RNPEP: variants seen among roughly 807,000 people sequenced by gnomAD.
RNPEP encodes aminopeptidase B.
RNPEP carries 57 observed loss-of-function variants against 70.1 expected under a neutral mutation model. That is an observed-to-expected ratio of 0.81 (90% CI 0.66 to 1.01). The LOEUF (loss-of-function observed/expected upper bound fraction) is 1.01, where lower values mean the gene tolerates loss of function less well. RNPEP is among the 50% of genes least tolerant of loss of function. The pLI, the probability that RNPEP is intolerant of heterozygous loss-of-function variation, is 0.00. For missense variants in RNPEP, 787 were observed against 852.4 expected (o/e 0.92, Z 0.96); for synonymous variants, 335 against 357.4 (o/e 0.94, Z 0.71).
chr1:201,991,720 A>G (rs1487675260), intron 3 of RNPEP, among the ~76,000 whole-genome samples: 1 of 152,146 alleles, frequency 6.6e-6, no homozygotes, highest in Non-Finnish European at 1.5e-5. Flanking sequence ...AGGTAGTGAG[A>G]TTGCAGCTTG....
intron 3 of RNPEP, among the ~76,000 whole-genome samples, chr1:201,992,296 G>T (rs987198112): frequency 6.6e-6 from 1 of 152,094 alleles, no homozygotes. Context: ...GCCTCCCAAA[G>T]TGTTGGGATT....
In RNPEP at chr1:202,005,559, G is replaced by A. The variant is rs750087178; in HGVS notation, c.1796G>A (p.Gly599Glu). Residue 599 changes from glycine to glutamate, a missense_variant and splice_region_variant, in exon 11 of 11, where the codon GGG (glycine) becomes GAG (glutamate). Physicochemically the swap from Gly to Glu is moderately conservative, Grantham distance 98. Coordinates refer to ENST00000295640, the MANE Select transcript of RNPEP (RefSeq NM_020216.4). ...WKVKEFLHNQ[G>E]KQKYTLPLYH... ...CATGTGTATGTGTGTTTCTTGCAGG[G>A]GAAGCAGAAGTATACACTTCCGCTG... 1 of 1,613,998 alleles carries A rather than the reference G, an allele frequency of 6.2e-7. No individual in the cohort carries two copies. The highest frequency in any genetic ancestry group is 8.5e-7 in the Non-Finnish European group (1 of 1,179,880).
chr1:201,985,210 T>A (rs1401236879), intron 1 of RNPEP, among the ~76,000 whole-genome samples: 5 of 115,182 alleles, frequency 4.3e-5, no homozygotes, highest in African/African-American at 9.7e-5. Context: ...AAAAAAAAAA[T>A]ACTCATTTCC....
rs766543788 is a variant in RNPEP, at chr1:201,989,002, C to T, written c.546C>T (p.Phe182=). 8 of 1,614,158 alleles carry T rather than the reference C, an allele frequency of 5.0e-6. No homozygotes were observed. Among genetic ancestry groups the T allele is most frequent in the South Asian group, 2.2e-5 (2 of 91,066 alleles). ...AVLNRAFFPC[F]DTPAVKYKYS... Reference sequence around the variant, plus strand: ...TAAACCGGGCCTTCTTCCCTTGCTTCGACACGCCTGCTGTTAAATACAAGT... The same window carrying T: ...TAAACCGGGCCTTCTTCCCTTGCTTTGACACGCCTGCTGTTAAATACAAGT... The change falls in exon 2 of 11, where the codon TTC becomes TTT. Residue 182 remains phenylalanine, a synonymous_variant. Coordinates refer to ENST00000295640, the MANE Select transcript of RNPEP (RefSeq NM_020216.4).
At chr1:201,991,149 C>T (rs1311611376) in intron 3 of RNPEP, among the ~76,000 whole-genome samples, 1 of 152,084 alleles carries the variant, frequency 6.6e-6, no homozygotes, top group Non-Finnish European at 1.5e-5. Flanking sequence ...GCGTCTTGCT[C>T]TGTTGCCCAG....
chr1:201,998,755 C>T (rs1683666142), intron 5 of RNPEP, among the ~76,000 whole-genome samples: 1 of 152,276 alleles, frequency 6.6e-6, no homozygotes, highest in East Asian at 1.9e-4. Flanking sequence ...AAGCCACTTA[C>T]TCAGAGTCAA....
At chr1:201,983,755 C>T (rs998207271) in intron 1 of RNPEP, 56 of 1,106,506 alleles carry the variant, frequency 5.1e-5, no homozygotes, top group Admixed American at 2.0e-4. Flanking sequence ...TGTTGGTTAA[C>T]TCTTTAATTT....
Position 202,000,103 on chromosome 1 carries a change from C to A in RNPEP, c.1204+88C>A. 4 of 926,296 alleles carry A rather than the reference C, an allele frequency of 4.3e-6. No individual in the cohort carries two copies. The East Asian group carries it at 7.8e-5, about 18-fold the overall frequency. The allele number at this position is 926,296 out of a possible 1,614,324, so 57.4% of individuals were successfully genotyped here. A position where few individuals can be genotyped will look rare whatever the true frequency, so the allele number is the denominator to read the frequency against. On this transcript the variant is annotated intron_variant, in intron 6 of 10. Transcript: ENST00000295640. ...TGCGAACTTCATGTTGATCAGTGCACGCTTAGAATACTTTATTTGGAGGGA... is the reference window on the plus strand; with the variant it reads ...TGCGAACTTCATGTTGATCAGTGCAAGCTTAGAATACTTTATTTGGAGGGA...
Position 201,999,897 on chromosome 1 carries a change from A to G in RNPEP, c.1091-5A>G. 6.2e-7 allele frequency: 1 copy of G among 1,611,884 alleles called. No homozygotes were observed. Among genetic ancestry groups the G allele is most frequent in the South Asian group, 1.1e-5 (1 of 90,648 alleles). ...TCCCGAGGCTTACGTTTGATTCTGC[A>G]CCAGGCGCTGCGTACACCTGCTTGG... On this transcript the variant is annotated splice_region_variant and splice_polypyrimidine_tract_variant and intron_variant, in intron 5 of 10. Coordinates refer to ENST00000295640, the MANE Select transcript of RNPEP (RefSeq NM_020216.4).
intron 4 of RNPEP, 37 bp from the exon 5 acceptor site, chr1:201,997,282 G>A: frequency 6.4e-7 from 1 of 1,555,904 alleles, no homozygotes; most frequent in Non-Finnish European, 8.9e-7. Context: ...GCTCCGGGAA[G>A]CCAGGGCCTC....
intron 5 of RNPEP, among the ~76,000 whole-genome samples, chr1:201,999,135 T>G (rs28419585): frequency 1.3e-5 from 2 of 151,434 alleles, no homozygotes; most frequent in African/African-American, 4.9e-5. Context: ...GAGAATTGCT[T>G]GAATCCAGGA....
intron 10 of RNPEP, among the ~76,000 whole-genome samples, chr1:202,004,761 C>T (rs528616005): frequency 4.6e-5 from 7 of 152,196 alleles, no homozygotes; most frequent in East Asian, 3.8e-4. Flanking sequence ...CCAGAGCCAA[C>T]GCAGAGGCGG....
chr1:201,989,105 CA>C (rs1683232980), intron 2 of RNPEP, 61 bp downstream of exon 2: 1 of 1,565,136 alleles, frequency 6.4e-7, no homozygotes, highest in South Asian at 1.2e-5. Flanking sequence ...TCAGATCTAT[CA>C]ATCAGGTCAC....
At chr1:201,983,182 T>G (rs112370844) in intron 1 of RNPEP, 69 bp downstream of exon 1, 839,353 of 1,415,418 alleles carry the variant, frequency 0.59, 250,449 homozygotes, top group Non-Finnish European at 0.6. Flanking sequence ...CCCTGCACCC[T>G]CACCTACCCC....
intron 1 of RNPEP, among the ~76,000 whole-genome samples, chr1:201,987,014 T>A (rs530011155): frequency 1.1e-4 from 17 of 152,310 alleles, no homozygotes; most frequent in Admixed American, 2.0e-4. Context: ...ACTAATTAAA[T>A]TTTTCACACA....
intron 2 of RNPEP, 55 bp downstream of exon 2, chr1:201,989,099 A>G: frequency 6.3e-7 from 1 of 1,576,744 alleles, no homozygotes; most frequent in Non-Finnish European, 8.6e-7. Flanking sequence ...ATGATTTCAG[A>G]TCTATCAATC....
chr1:201,986,168 A>G (rs1683125296), intron 1 of RNPEP, among the ~76,000 whole-genome samples: 1 of 152,232 alleles, frequency 6.6e-6, no homozygotes, highest in Non-Finnish European at 1.5e-5. Context: ...GGGCTCAAAC[A>G]AACAATTCTC....
intron 3 of RNPEP, among the ~76,000 whole-genome samples, chr1:201,993,971 C>T (rs1019481049): frequency 3.3e-5 from 5 of 151,476 alleles, no homozygotes; most frequent in African/African-American, 4.9e-5. Context: ...CTTGCCATGC[C>T]GTTGAAACTA....
chr1:201,988,237 G>T (rs1049577162), intron 1 of RNPEP, among the ~76,000 whole-genome samples: 1 of 151,690 alleles, frequency 6.6e-6, no homozygotes, highest in African/African-American at 2.4e-5. Context: ...AGGTGGGCGG[G>T]TTGCTTGAGG....
Sources: gnomAD v4.1 joint callset for allele counts (sites outside exome capture counted in the v4.1 genomes callset) on GRCh38, gnomAD v4.1.1 for gene constraint, MANE v1.5 for transcripts, NCBI Gene and HGNC (gene_info 2026-07-23, HGNC 2026-07-21) for gene names.